The following STAC2 variants were observed in gnomAD, a reference collection of about 807,000 sequenced individuals.
STAC2 encodes the protein SH3 and cysteine-rich domain-containing protein 2.
A neutral mutation model predicts 49.0 loss-of-function variants in STAC2; 36 were observed. That is an observed-to-expected ratio of 0.74 (90% confidence interval 0.56 to 0.97). The LOEUF (loss-of-function observed/expected upper bound fraction) is 0.97, where lower values mean the gene tolerates loss of function less well. Among genes scored for constraint, STAC2 ranks in the 50% least tolerant of loss-of-function variants. STAC2 has a pLI of 0.00. For missense variants in STAC2, 527 were observed against 543.8 expected (o/e 0.97, Z 0.31); for synonymous variants, 239 against 214.7 (o/e 1.11, Z -0.99).
At chr17:39,218,977 C>T (rs999692707) in intron 1 of STAC2, among the ~76,000 whole-genome samples, 5 of 152,072 alleles carry the variant, frequency 3.3e-5, no homozygotes, top group Non-Finnish European at 5.9e-5. Context: ...TAGCCCTCCC[C>T]TCCCTCCCAT....
At chr17:39,223,472 G>A (rs1221866239) in intron 1 of STAC2, among the ~76,000 whole-genome samples, 2 of 152,212 alleles carry the variant, frequency 1.3e-5, no homozygotes, top group African/African-American at 4.8e-5. Flanking sequence ...GATCAGGGGT[G>A]TAACCCCTCC....
Position 39,217,169 on chromosome 17 carries a change from G to T in STAC2, c.402C>A (p.Asn134Lys). 6.2e-7 allele frequency: 1 copy of T among 1,613,228 alleles called. No homozygotes were observed. The stretch of plus-strand genomic sequence containing the variant: ...TCTTACATCGCAAGCCCTGTTTGGA[G>T]TTTCCTAGGAAGAATTTGGGTTCAG... ...CELCHQLIVG[N>K]SKQGLRCKMC... is the part of the protein sequence containing the mutation. Residue 134 changes from asparagine (N) to lysine (K), a missense_variant, in exon 3 of 11, where the codon AAC becomes AAA. Physicochemically the swap from Asn to Lys is moderately conservative, Grantham distance 94 (BLOSUM62 0). Transcript: ENST00000333461.
At chr17:39,218,237 T>C in intron 1 of STAC2, 64 bp from the exon 2 acceptor site, 1 of 1,569,706 alleles carries the variant, frequency 6.4e-7, no homozygotes, top group Non-Finnish European at 8.7e-7. Context: ...CGGGCTTCCC[T>C]TCAGGGTGTC....
rs1007343322 is a variant in STAC2 at position 39,225,004 on chromosome 17, G to C, written c.90+409C>G. 6.6e-6 allele frequency among the ~76,000 whole-genome samples: 1 copy of C among 152,174 alleles called. No individual in the cohort carries two copies. Among genetic ancestry groups the C allele is most frequent in the Non-Finnish European group, 1.5e-5 (1 of 68,006 alleles). On this transcript the variant is annotated intron_variant, in intron 1 of 10. Transcript: ENST00000333461. This position sits in a 1 kb window ranked among gnomAD's most constrained non-coding sequence, Gnocchi z 8.2. ...AAGACACAGACACGCAGGTTGTAGA[G>C]ACAAATTCAGAGACACGAGCGAGGA...
At chr17:39,213,910 C>T (rs11650898) in intron 8 of STAC2, among the ~76,000 whole-genome samples, 1 of 152,074 alleles carries the variant, frequency 6.6e-6, no homozygotes. Flanking sequence ...CTCCTGACCT[C>T]AAGTGATCTG....
Position 39,225,534 on chromosome 17 carries a change from G to T in STAC2, c.-32C>A, listed in dbSNP as rs773897946. Reference sequence around the variant, plus strand: ...GGGAGAGGGGAGGAGAGGGTGCCGAGATCCGACGGCAGGCCCACCGCGGGC... The same window carrying T: ...GGGAGAGGGGAGGAGAGGGTGCCGATATCCGACGGCAGGCCCACCGCGGGC... On this transcript the variant is annotated 5_prime_UTR_variant, in exon 1 of 11. Coordinates refer to ENST00000333461, the MANE Select transcript of STAC2 (RefSeq NM_198993.5). This position sits in a 1 kb window ranked among gnomAD's most constrained non-coding sequence, Gnocchi z 8.2. The T allele has an allele frequency of 2.5e-6, 4 of 1,599,492 alleles. No homozygotes were observed. In the South Asian group the frequency reaches 4.4e-5, roughly 18 times the overall value.
chr17:39,216,916 G>A lies in STAC2; in HGVS notation c.496-16C>T. ...AGGAGGTGGACTATGGCAAGAGAGG[G>A]CAGAGAGGTTTTGAGGAGGTCATGG... On this transcript the variant is annotated splice_polypyrimidine_tract_variant and intron_variant, in intron 3 of 10. Coordinates refer to ENST00000333461, the MANE Select transcript of STAC2 (RefSeq NM_198993.5). The A allele has an allele frequency of 6.3e-7, 1 of 1,592,942 alleles. No individual in the cohort carries two copies. The highest frequency in any genetic ancestry group is 8.6e-7 in the Non-Finnish European group (1 of 1,169,380).
rs1464850629 is a variant in STAC2, at chr17:39,213,627, TG to T, written c.942-70del. ...TGCCCCTCCCCATCCTAGCAGACCC[TG>T]GGCACCTGGGGGACACTGCAGTCCT... On this transcript the variant is annotated intron_variant, in intron 8 of 10. Transcript: ENST00000333461. The T allele has an allele frequency of 8.2e-6, 12 of 1,457,388 alleles. No individual in the cohort carries two copies. The East Asian group carries it at 2.6e-4, about 31-fold the overall frequency. 90.3% of individuals were successfully genotyped at this position (1,457,388 alleles called of 1,614,324 possible). A position where few individuals can be genotyped will look rare whatever the true frequency, so the allele number is the denominator to read the frequency against.
rs756767397 is a variant in STAC2 at position 39,213,563 on chromosome 17, G to A, written c.942-5C>T. On this transcript the variant is annotated splice_region_variant and splice_polypyrimidine_tract_variant and intron_variant, in intron 8 of 10. Coordinates refer to ENST00000333461, the MANE Select transcript of STAC2 (RefSeq NM_198993.5). ...AGCATGATCCGATCTCCAGGCCTGG[G>A]GAGGACAGAGCTAGGGTTGCATATG... 1 of 1,613,872 alleles carries A rather than the reference G, an allele frequency of 6.2e-7. No homozygotes were observed. The highest frequency in any genetic ancestry group is 1.1e-5 in the South Asian group (1 of 91,078).
At chr17:39,222,069 C>T (rs1036944154) in intron 1 of STAC2, among the ~76,000 whole-genome samples, 1 of 152,212 alleles carries the variant, frequency 6.6e-6, no homozygotes, top group Non-Finnish European at 1.5e-5. Context: ...TTTCGCCTAT[C>T]AGCCCTCCTT....
At chr17:39,223,532 T>G (rs1052222341) in intron 1 of STAC2, among the ~76,000 whole-genome samples, 3 of 152,152 alleles carry the variant, frequency 2.0e-5, no homozygotes, top group African/African-American at 7.2e-5. Flanking sequence ...GTGACAACAT[T>G]GGAGGGTCCC....
At chr17:39,224,165 G>A (rs987998425) in intron 1 of STAC2, among the ~76,000 whole-genome samples, 4 of 152,116 alleles carry the variant, frequency 2.6e-5, no homozygotes, top group African/African-American at 9.7e-5. Context: ...CAGCTCCTGC[G>A]GGATGGTCAA....
At chr17:39,219,981 A>C (rs1045095864) in intron 1 of STAC2, among the ~76,000 whole-genome samples, 2 of 152,120 alleles carry the variant, frequency 1.3e-5, no homozygotes, top group African/African-American at 2.4e-5. Flanking sequence ...AGCCTCCGGG[A>C]GGCCAGCAGG....
At chr17:39,213,450 G>T in intron 9 of STAC2, 57 bp downstream of exon 9, 1 of 1,600,390 alleles carries the variant, frequency 6.2e-7, no homozygotes, top group Non-Finnish European at 8.6e-7. Flanking sequence ...CCCATTGGGG[G>T]TGGGGGCTGC....
At chr17:39,212,845 G>T in intron 10 of STAC2, 150 bp downstream of exon 10, 1 of 1,293,182 alleles carries the variant, frequency 7.7e-7, no homozygotes, top group African/African-American at 1.5e-5. Flanking sequence ...TGGTAGGAGG[G>T]CCCTGCAACC....
rs143497706 is a variant in STAC2 at position 39,218,131 on chromosome 17, G to T, written c.133C>A (p.Arg45=). The change falls in exon 2 of 11, where the codon CGA becomes AGA. Residue 45 remains arginine, a synonymous_variant. Coordinates refer to ENST00000333461, the MANE Select transcript of STAC2 (RefSeq NM_198993.5). ...KRSLSLKTIL[R]SKSLENFFLR... is the part of the protein sequence containing the mutation. ...AAGAAGTTCTCCAAGCTCTTACTTC[G>T]GAGGATGGTCTTGAGGGAGAGGGAG... is the stretch of plus-strand genomic sequence containing the variant. 2 of 1,613,432 alleles carry T rather than the reference G, an allele frequency of 1.2e-6. No individual in the cohort carries two copies. The highest frequency in any genetic ancestry group is 1.7e-6 in the Non-Finnish European group (2 of 1,180,048).
chr17:39,224,558 G>A (rs1306783119), intron 1 of STAC2, among the ~76,000 whole-genome samples: 1 of 152,264 alleles, frequency 6.6e-6, no homozygotes, highest in Non-Finnish European at 1.5e-5. Context: ...AGGAGTCTGG[G>A]CTCCGCCTGC....
chr17:39,219,095 T>A (rs948456071), intron 1 of STAC2, among the ~76,000 whole-genome samples: 1 of 152,138 alleles, frequency 6.6e-6, no homozygotes, highest in Non-Finnish European at 1.5e-5. Context: ...CATACAGCTG[T>A]TGCGGGGGTG....
chr17:39,224,432 C>A (rs2046491430), intron 1 of STAC2, among the ~76,000 whole-genome samples: 1 of 152,186 alleles, frequency 6.6e-6, no homozygotes, highest in Non-Finnish European at 1.5e-5. Flanking sequence ...CCCGCAGAAA[C>A]AGAACTTCTC....
Sources: gnomAD v4.1 joint callset for allele counts (sites outside exome capture counted in the v4.1 genomes callset) on GRCh38, gnomAD v4.1.1 for gene constraint, Gnocchi (gnomAD v3.1) non-coding constraint, MANE v1.5 for transcripts, NCBI Gene and HGNC (gene_info 2026-07-23, HGNC 2026-07-21) for gene names.